Variants in CPEB3 observed in about 807,000 individuals in gnomAD.
CPEB3 encodes the protein cytoplasmic polyadenylation element-binding protein 3.
A neutral mutation model predicts 67.2 loss-of-function variants in CPEB3; 20 were observed. The ratio of observed to expected loss-of-function variants is 0.30; its 90% CI spans 0.21 to 0.43. The LOEUF is 0.43. Ranked by LOEUF, CPEB3 falls within the 20% of genes least tolerant of loss-of-function variation. The pLI is 1.00. For missense variants in CPEB3, 746 were observed against 968.6 expected (o/e 0.77, Z 3.05); for synonymous variants, 376 against 393.1 (o/e 0.96, Z 0.51).
chr10:92,133,436 C>CCATT (rs1845939024), intron 6 of CPEB3, among the ~76,000 whole-genome samples: 1 of 152,150 alleles, frequency 6.6e-6, no homozygotes, highest in Admixed American at 6.5e-5. Flanking sequence ...GGGTAAATTC[C>CCATT]TGGACACATA....
intron 9 of CPEB3, among the ~76,000 whole-genome samples, chr10:92,080,005 C>T (rs1843078166): frequency 6.6e-6 from 1 of 151,670 alleles, no homozygotes; most frequent in Admixed American, 6.6e-5. Context: ...TCGAGACCAT[C>T]CTGGCTAACA....
intron 8 of CPEB3, among the ~76,000 whole-genome samples, chr10:92,090,781 G>A (rs899170792): frequency 6.6e-6 from 1 of 152,058 alleles, no homozygotes; most frequent in African/African-American, 2.4e-5. Flanking sequence ...TGCTTTTCAC[G>A]TTTGAATTAG....
Position 92,091,835 on chromosome 10 carries a change from C to T in CPEB3, c.1682G>A (p.Arg561Gln), listed in dbSNP as rs1384419816. The T allele has an allele frequency of 2.5e-6, 4 of 1,599,098 alleles. No homozygotes were observed. Among genetic ancestry groups the T allele is most frequent in the African/African-American group, 1.3e-5 (1 of 74,402 alleles). ...IFVGGVPRPL[R>Q]AVELAMIMDR... ...GTATTACTATTTCCACTCACCAGCTCGAAGGGGTCGTGGAACTCCCCCAAC... is the reference window on the plus strand; with the variant it reads ...GTATTACTATTTCCACTCACCAGCTTGAAGGGGTCGTGGAACTCCCCCAAC... Residue 561 changes from arginine (R) to glutamine (Q), a missense_variant, in exon 8 of 10, where the codon CGA (arginine) becomes CAA (glutamine). Around this residue, in one of 2 missense-constraint regions of CPEB3, gnomAD observed 103 missense variants for 251.1 expected, o/e 0.41. Transcript: ENST00000265997.
intron 7 of CPEB3, among the ~76,000 whole-genome samples, chr10:92,097,185 T>G (rs1330110411): frequency 6.6e-6 from 1 of 152,208 alleles, no homozygotes; most frequent in Non-Finnish European, 1.5e-5. Flanking sequence ...ACTTTTTCCA[T>G]TTTTCAAGAG....
At chr10:92,089,069 A>G (rs1347788713) in intron 8 of CPEB3, among the ~76,000 whole-genome samples, 2 of 152,246 alleles carry the variant, frequency 1.3e-5, no homozygotes, top group East Asian at 3.8e-4. Flanking sequence ...TCTCAGTGCC[A>G]GTAATACAGT....
At chr10:92,059,952 C>G (rs1349666332) in intron 9 of CPEB3, among the ~76,000 whole-genome samples, 1 of 60,812 alleles carries the variant, frequency 1.6e-5, no homozygotes, top group South Asian at 6.1e-4. Context: ...CGAGACTCCT[C>G]AAAAAAAAAA....
chr10:92,061,974 G>A (rs977220753), intron 9 of CPEB3, among the ~76,000 whole-genome samples: 1 of 152,122 alleles, frequency 6.6e-6, no homozygotes, highest in African/African-American at 2.4e-5. Flanking sequence ...TGGCACAGTG[G>A]TGCACATCTG....
chr10:92,194,357 T>G lies in CPEB3; in HGVS notation c.1006-1721A>C, dbSNP rs369917529. Among the ~76,000 whole-genome samples, 8 of 151,976 alleles carry G rather than the reference T, an allele frequency of 5.3e-5. 1 individual carries two copies. In the East Asian group the frequency reaches 6.0e-4, roughly 11 times the overall value. ...CAGGAAGCTGAGGCAGCGAATTGCT[T>G]GGACCCGGGAGGCAGAGGTTGCCGT... On this transcript the variant is annotated intron_variant, in intron 2 of 9. Transcript: ENST00000265997.
chr10:92,216,195 T>G (rs1404490821), intron 2 of CPEB3: 4 of 700,218 alleles, frequency 5.7e-6, no homozygotes, highest in Non-Finnish European at 9.4e-6. Context: ...CCCAGCACTT[T>G]GGGAGGCCGA....
chr10:92,209,614 G>C (rs1360873810), intron 2 of CPEB3, among the ~76,000 whole-genome samples: 1 of 152,100 alleles, frequency 6.6e-6, no homozygotes, highest in East Asian at 1.9e-4. Context: ...TTCCTTCAAT[G>C]AGACTATCAG....
Position 92,143,118 on chromosome 10 carries a change from T to A in CPEB3, c.1364A>T (p.Asp455Val). The A allele has an allele frequency of 6.2e-7, 1 of 1,609,524 alleles. No individual in the cohort carries two copies. The highest frequency in any genetic ancestry group is 8.5e-7 in the Non-Finnish European group (1 of 1,177,290). The change falls in exon 6 of 10, where the codon GAT becomes GTT. Residue 455 changes from aspartate to valine, a missense_variant and splice_region_variant. Asp to Val is a radical substitution (Grantham distance 152). Around this residue, in one of 2 missense-constraint regions of CPEB3, gnomAD observed 643 missense variants for 717.5 expected, o/e 0.90. Transcript: ENST00000265997. The stretch of plus-strand genomic sequence containing the variant: ...CCTGCGAAAGCTGGCAGTGATCTCA[T>A]CTACAAAACAAAGAAAGAATCTTAG... Reference protein sequence around the residue: ...VGGLPPDIDEDEITASFRRFG... With the variant: ...VGGLPPDIDEVEITASFRRFG...
In CPEB3 at chr10:92,108,484, T is replaced by C. The variant is rs1370780623; in HGVS notation, c.1572+2592A>G. ...TGGTAGATGTGGAGCTAAAACCAAG[T>C]AAGAGAAGTTTTCAAAAATAGAGCC... On this transcript the variant is annotated intron_variant, in intron 7 of 9. Transcript: ENST00000265997. Among the ~76,000 whole-genome samples, 7 of 152,180 alleles carry C rather than the reference T, an allele frequency of 4.6e-5. No individual in the cohort carries two copies. In the East Asian group the frequency reaches 1.3e-3, roughly 29 times the overall value.
chr10:92,270,121 G>C (rs1046295579), intron 1 of CPEB3, among the ~76,000 whole-genome samples: 1 of 152,044 alleles, frequency 6.6e-6, no homozygotes, highest in Admixed American at 6.6e-5. Context: ...AAGGTAGTAG[G>C]GAAACAGTAC....
At chr10:92,205,280 G>A (rs1204708757) in intron 2 of CPEB3, among the ~76,000 whole-genome samples, 1 of 152,142 alleles carries the variant, frequency 6.6e-6, no homozygotes, top group Non-Finnish European at 1.5e-5. Flanking sequence ...TGTGTATACT[G>A]TTTTTCATAA....
At chr10:92,100,921 T>C (rs1336080218) in intron 7 of CPEB3, among the ~76,000 whole-genome samples, 4 of 152,114 alleles carry the variant, frequency 2.6e-5, no homozygotes, top group Admixed American at 2.0e-4. Context: ...ACCTCAAGAC[T>C]TCAAATTTCT....
intron 4 of CPEB3, among the ~76,000 whole-genome samples, chr10:92,148,284 G>A (rs946644062): frequency 6.6e-6 from 1 of 152,006 alleles, no homozygotes; most frequent in Non-Finnish European, 1.5e-5. Context: ...GACCTCCTTC[G>A]TATTTTCGAT....
Position 92,119,258 on chromosome 10 carries a change from CCTT to C in CPEB3, c.1454-8067_1454-8065del, listed in dbSNP as rs1845211004. Reference sequence around the variant, plus strand: ...TTATCTCCAGCCTGGGAAAAGTTCTCCTTATTTGTTTAGATCCTTTTGCACTTT... The same window carrying C: ...TTATCTCCAGCCTGGGAAAAGTTCTCATTTGTTTAGATCCTTTTGCACTTT... On this transcript the variant is annotated intron_variant, in intron 6 of 9. Coordinates refer to ENST00000265997, the MANE Select transcript of CPEB3 (RefSeq NM_014912.5). The C allele has an allele frequency of 2.5e-6, 4 of 1,568,810 alleles. No individual in the cohort carries two copies. In the South Asian group the frequency reaches 4.4e-5, roughly 17 times the overall value.
At chr10:92,100,529 G>A (rs1340113481) in intron 7 of CPEB3, among the ~76,000 whole-genome samples, 1 of 152,120 alleles carries the variant, frequency 6.6e-6, no homozygotes, top group East Asian at 1.9e-4. Flanking sequence ...GCCCACCTCA[G>A]CCTCACAAAG....
chr10:92,119,972 G>A (rs4565820), intron 6 of CPEB3, among the ~76,000 whole-genome samples: 18,033 of 151,080 alleles, frequency 0.12, 1,397 homozygotes, highest in Middle Eastern at 0.2. Flanking sequence ...AAAACAAATT[G>A]CGCCAGGCGC....
Sources: allele counts gnomAD v4.1 joint callset (sites outside exome capture counted in the v4.1 genomes callset), GRCh38; gene constraint gnomAD v4.1.1; regional missense constraint gnomAD v4.1.1; transcripts MANE v1.5; gene names NCBI Gene and HGNC (gene_info 2026-07-23, HGNC 2026-07-21).